Variants in POLI observed in about 807,000 individuals in gnomAD.
The protein encoded by POLI is DNA polymerase iota, also known as RAD30 homolog B.
In POLI, 58 loss-of-function variants were observed where a neutral mutation model predicts 51.6. The ratio of observed to expected loss-of-function variants is 1.12; its 90% CI spans 0.91 to 1.40. The LOEUF is 1.40. POLI is among the 40% of genes most tolerant of loss of function. The pLI, the probability that POLI is intolerant of heterozygous loss-of-function variation, is 0.00. For missense variants in POLI, 921 were observed against 871.3 expected, an observed-to-expected ratio of 1.06 and a Z score of -0.72; for synonymous variants, 322 against 299.7, an observed-to-expected ratio of 1.07 and a Z score of -0.77.
At chr18:54,291,243 C>T (rs2087997939) in intron 8 of POLI, 1 of 152,250 alleles carries the variant, frequency 6.6e-6, no homozygotes, top group South Asian at 2.1e-4. Context: ...TCACCCGAAC[C>T]ACGACTGAAG....
intron 8 of POLI, among the ~76,000 whole-genome samples, chr18:54,288,404 C>T (rs908833737): frequency 8.5e-5 from 13 of 152,086 alleles, no homozygotes; most frequent in African/African-American, 2.7e-4. Flanking sequence ...GTGTGGTATA[C>T]GGTAAGGGTC....
chr18:54,305,772 T>C (rs938960550), intron 3 of POLI, among the ~76,000 whole-genome samples: 4 of 152,076 alleles, frequency 2.6e-5, no homozygotes, highest in African/African-American at 9.7e-5. Context: ...TTTAATTTCT[T>C]TTTTGAAACA....
intron 9 of POLI, among the ~76,000 whole-genome samples, chr18:54,292,638 A>G (rs1201047649): frequency 1.3e-5 from 2 of 152,062 alleles, no homozygotes; most frequent in African/African-American, 4.8e-5. Flanking sequence ...AAAAACAATT[A>G]TTTTTTACTA....
At chr18:54,317,818 T>A (rs1043293941) in intron 3 of POLI, among the ~76,000 whole-genome samples, 1 of 152,158 alleles carries the variant, frequency 6.6e-6, no homozygotes, top group Non-Finnish European at 1.5e-5. Flanking sequence ...TGAGCTATGA[T>A]CATACCACTG....
Position 54,269,550 on chromosome 18 carries a change from G to A in POLI, c.4G>A (p.Glu2Lys). 1 of 1,508,692 alleles carries A rather than the reference G, an allele frequency of 6.6e-7. No homozygotes were observed. The highest frequency in any genetic ancestry group is 8.8e-7 in the Non-Finnish European group (1 of 1,133,132). The allele number at this position is 1,508,692 out of a possible 1,614,324, so 93.5% of individuals were successfully genotyped here. Residue 2 changes from glutamate (E) to lysine (K), a missense_variant, in exon 1 of 10, where the codon GAG (glutamate) becomes AAG (lysine). Transcript: ENST00000579534. M[E>K]KLGVEPEEEG... ...CGCTGCGGTTGGCAGCGGCGGGATGGAGAAGCTGGGGGTGGAGCCGGAGGA... is the reference window on the plus strand; with the variant it reads ...CGCTGCGGTTGGCAGCGGCGGGATGAAGAAGCTGGGGGTGGAGCCGGAGGA...
At position 54,313,353 on chromosome 18, in the gene POLI, C is replaced by A. The variant is rs375590329; in HGVS notation, c.334-6920C>A. Among the ~76,000 whole-genome samples the A allele has an allele frequency of 1.1e-4, 17 of 152,154 alleles. 1 individual carries two copies. In the South Asian group the frequency reaches 1.9e-3, roughly 17 times the overall value. ...TAACTTTCTATTTTCGTTTCTGTAA[C>A]CTTATAATACATTATACTTCGAAGT... On this transcript the variant is annotated intron_variant, in intron 3 of 4. Coordinates refer to the POLI transcript ENST00000579823.
chr18:54,310,096 A>G (rs991398408), intron 3 of POLI, among the ~76,000 whole-genome samples: 1 of 152,140 alleles, frequency 6.6e-6, no homozygotes, highest in Non-Finnish European at 1.5e-5. Flanking sequence ...GGCTGCACCC[A>G]CTGTCCAACC....
At position 54,297,377 on chromosome 18, in the gene POLI, G is replaced by C; in HGVS notation, c.*2910G>C. On this transcript the variant is annotated 3_prime_UTR_variant, in exon 10 of 10. Transcript: ENST00000579534. ...GTTTCTCTCTTGAGTGTATAGTGTA[G>C]AGGGGGTTTCTGTCTTGAGTGTAGG... 1.0e-6 allele frequency: 1 copy of C among 983,572 alleles called. No homozygotes were observed. Among genetic ancestry groups the C allele is most frequent in the African/African-American group, 1.7e-5 (1 of 57,188 alleles). The allele number at this position is 983,572 out of a possible 1,614,324, so 60.9% of individuals were successfully genotyped here. A position where few individuals can be genotyped will look rare whatever the true frequency, so the allele number is the denominator to read the frequency against.
rs1032344957 is a variant in POLI, at chr18:54,294,529, A to G, written c.*62A>G. Reference sequence around the variant, plus strand: ...ACCATTATTTTCGGATTAGCGGTTTATTAAGCTCTTCTATATTAAACACTA... The same window carrying G: ...ACCATTATTTTCGGATTAGCGGTTTGTTAAGCTCTTCTATATTAAACACTA... On this transcript the variant is annotated 3_prime_UTR_variant, in exon 10 of 10. Coordinates refer to ENST00000579534, the MANE Select transcript of POLI (RefSeq NM_007195.3). The G allele has an allele frequency of 2.7e-6, 4 of 1,496,076 alleles. No homozygotes were observed. The highest frequency in any genetic ancestry group is 2.4e-5 in the Admixed American group (1 of 41,524). The allele number at this position is 1,496,076 out of a possible 1,614,324, so 92.7% of individuals were successfully genotyped here. A position where few individuals can be genotyped will look rare whatever the true frequency, so the allele number is the denominator to read the frequency against.
chr18:54,296,403 A>G lies in POLI; in HGVS notation c.*1936A>G, dbSNP rs1411433937. 3 of 972,920 alleles carry G rather than the reference A, an allele frequency of 3.1e-6. No individual in the cohort carries two copies. The highest frequency in any genetic ancestry group is 4.7e-5 in the South Asian group (1 of 21,058). 60.3% of individuals were successfully genotyped at this position (972,920 alleles called of 1,614,324 possible). On this transcript the variant is annotated 3_prime_UTR_variant, in exon 10 of 10. Coordinates refer to ENST00000579534, the MANE Select transcript of POLI (RefSeq NM_007195.3). Reference sequence around the variant, plus strand: ...TTTGGGCCTCAGAATCAACTTTTTTATGGGATCTTTTTTCTCTGTTTTTAA... The same window carrying G: ...TTTGGGCCTCAGAATCAACTTTTTTGTGGGATCTTTTTTCTCTGTTTTTAA...
At chr18:54,278,197 C>T (rs1285605306) in intron 4 of POLI, among the ~76,000 whole-genome samples, 2 of 152,086 alleles carry the variant, frequency 1.3e-5, no homozygotes, top group Non-Finnish European at 2.9e-5. Context: ...CACAGTGGAG[C>T]GCCCCTGTAG....
In POLI at chr18:54,287,342, GAGA is replaced by G; in HGVS notation, c.1132_1134del (p.Lys378del). On this transcript the variant is annotated inframe_deletion, in exon 8 of 10. Transcript: ENST00000579534. The stretch of plus-strand genomic sequence containing the variant: ...ATTAATAATCCGTCGGTATTCCTCT[GAGA>G]AGCACTATGGTCGTGAGAGTCGTCA... The G allele has an allele frequency of 6.3e-7, 1 of 1,596,968 alleles. No individual in the cohort carries two copies. The highest frequency in any genetic ancestry group is 1.1e-5 in the South Asian group (1 of 89,012).
At position 54,312,305 on chromosome 18, in the gene POLI, A is replaced by T. The variant is rs531390453; in HGVS notation, c.334-7968A>T. Among the ~76,000 whole-genome samples the T allele has an allele frequency of 1.2e-4, 18 of 152,254 alleles. 1 individual carries two copies. The highest frequency in any genetic ancestry group is 3.9e-4 in the Admixed American group (6 of 15,286). ...ACTTTGTTCTTTTTTATGGCTGTGT[A>T]GTATTCCATGGTGTATATATGCCAT... On this transcript the variant is annotated intron_variant, in intron 3 of 4. Coordinates refer to the POLI transcript ENST00000579823.
intron 9 of POLI, 135 bp from the exon 10 acceptor site, chr18:54,293,514 G>C: frequency 1.7e-6 from 1 of 600,472 alleles, no homozygotes; most frequent in East Asian, 2.8e-5. Flanking sequence ...CTAGTTGTTT[G>C]GAACTGGCCA....
chr18:54,304,259 C>A (rs1204772287), intron 3 of POLI, among the ~76,000 whole-genome samples: 1 of 152,124 alleles, frequency 6.6e-6, no homozygotes, highest in Non-Finnish European at 1.5e-5. Context: ...GATGTATAAT[C>A]CTTTGGATAT....
chr18:54,315,047 G>A (rs1036802831), intron 3 of POLI, among the ~76,000 whole-genome samples: 1 of 151,940 alleles, frequency 6.6e-6, no homozygotes, highest in Non-Finnish European at 1.5e-5. Context: ...TCCTCTTCAT[G>A]TAATGTTAGA....
chr18:54,312,599 C>G (rs1184408365), intron 3 of POLI, among the ~76,000 whole-genome samples: 1 of 152,174 alleles, frequency 6.6e-6, no homozygotes, highest in African/African-American at 2.4e-5. Flanking sequence ...TCCCTTTTCT[C>G]TGTAGCCTCA....
Position 54,306,665 on chromosome 18 carries a change from G to A in POLI, c.334-13608G>A, listed in dbSNP as rs561808445. Among the ~76,000 whole-genome samples the A allele has an allele frequency of 2.0e-5, 3 of 152,268 alleles. No individual in the cohort carries two copies. The East Asian group carries it at 5.8e-4, about 29-fold the overall frequency. On this transcript the variant is annotated intron_variant, in intron 3 of 4. Coordinates refer to the POLI transcript ENST00000579823. ...GAAGGAATGGTACCAGCTCCTCTTTGTACCTCTGGTAGAATTCGGCTGTGA... is the reference window on the plus strand; with the variant it reads ...GAAGGAATGGTACCAGCTCCTCTTTATACCTCTGGTAGAATTCGGCTGTGA...
At chr18:54,285,085 C>T (rs2087686842) in intron 7 of POLI, among the ~76,000 whole-genome samples, 1 of 152,170 alleles carries the variant, frequency 6.6e-6, no homozygotes, top group Non-Finnish European at 1.5e-5. Flanking sequence ...TTTCCTCCAA[C>T]TTTGCTGTCG....
Sources: allele counts gnomAD v4.1 joint callset (sites outside exome capture counted in the v4.1 genomes callset), GRCh38; gene constraint gnomAD v4.1.1; transcripts MANE v1.5; gene names NCBI Gene and HGNC (gene_info 2026-07-23, HGNC 2026-07-21).